Variants in GSE1 observed in about 807,000 individuals in gnomAD.
The protein encoded by GSE1 is Gse1 coiled-coil protein, also known as genetic suppressor element 1.
A neutral mutation model predicts 112.6 loss-of-function variants in GSE1; 32 were observed. That is an observed-to-expected ratio of 0.28 (90% confidence interval 0.21 to 0.38). The LOEUF (loss-of-function observed/expected upper bound fraction) is 0.38. Among genes scored for constraint, GSE1 ranks in the 10% least tolerant of loss-of-function variants. The pLI, the probability that GSE1 is intolerant of heterozygous loss-of-function variation, is 1.00. For missense variants in GSE1, 2,348 were observed against 1,699.2 expected, an observed-to-expected ratio of 1.38 and a Z score of -6.71; for synonymous variants, 1,115 against 735.6, an observed-to-expected ratio of 1.52 and a Z score of -8.35.
chr16:85,267,375 C>T (rs1908357955), intron 1 of GSE1, among the ~76,000 whole-genome samples: 1 of 152,184 alleles, frequency 6.6e-6, no homozygotes, highest in Non-Finnish European at 1.5e-5. Flanking sequence ...TCCTGAGTCT[C>T]CTCTTTTCTC....
At chr16:85,183,754 C>T (rs992451426) in intron 1 of GSE1, among the ~76,000 whole-genome samples, 1 of 152,166 alleles carries the variant, frequency 6.6e-6, no homozygotes, top group Non-Finnish European at 1.5e-5. Flanking sequence ...CCCCATTTTA[C>T]AGATGTACAG....
chr16:85,663,355 T>C lies in GSE1; in HGVS notation c.2385T>C (p.Phe795=), dbSNP rs779423993. The C allele has an allele frequency of 6.2e-7, 1 of 1,613,638 alleles. No homozygotes were observed. Among genetic ancestry groups the C allele is most frequent in the Non-Finnish European group, 8.5e-7 (1 of 1,179,932 alleles). Residue 795 remains phenylalanine (F), a synonymous_variant, in exon 11 of 16, where the codon TTT becomes TTC. Transcript: ENST00000253458. The part of the protein sequence containing the change: ...KLDTSSEKLE[F]LQLFGLTTQQ... Reference sequence around the variant, plus strand: ...CTTTCCCAATCTAGAAGCTAGAGTTTTTGCAACTTTTTGGCTTGACCACCC... The same window carrying C: ...CTTTCCCAATCTAGAAGCTAGAGTTCTTGCAACTTTTTGGCTTGACCACCC...
At chr16:85,493,181 G>T (rs2051064830) in intron 2 of GSE1, among the ~76,000 whole-genome samples, 1 of 152,220 alleles carries the variant, frequency 6.6e-6, no homozygotes, top group South Asian at 2.1e-4. Context: ...AATTCCCATT[G>T]CACCTGGCTT....
chr16:85,587,547 G>T (rs1040634017), intron 1 of GSE1, among the ~76,000 whole-genome samples: 4 of 151,994 alleles, frequency 2.6e-5, no homozygotes, highest in African/African-American at 9.7e-5. Context: ...CACACCTTCG[G>T]CCTAGGTACA....
chr16:85,418,157 T>C (rs1231083292), intron 2 of GSE1, among the ~76,000 whole-genome samples: 1 of 152,222 alleles, frequency 6.6e-6, no homozygotes, highest in Non-Finnish European at 1.5e-5. Context: ...TTTCTAACAA[T>C]GCCGCCATTG....
chr16:85,385,720 G>A (rs551729186), intron 2 of GSE1, among the ~76,000 whole-genome samples: 7 of 152,350 alleles, frequency 4.6e-5, no homozygotes, highest in Non-Finnish European at 7.4e-5. Context: ...CGAGGCAGCC[G>A]GCCATCCATC....
intron 2 of GSE1, among the ~76,000 whole-genome samples, chr16:85,415,550 T>C (rs1335275126): frequency 6.6e-6 from 1 of 152,204 alleles, no homozygotes; most frequent in African/African-American, 2.4e-5. Flanking sequence ...GGCCGCCTTC[T>C]CAGCCCCCGT....
chr16:85,546,170 CG>C (rs1942126811), intron 2 of GSE1, among the ~76,000 whole-genome samples: 1 of 152,124 alleles, frequency 6.6e-6, no homozygotes, highest in African/African-American at 2.4e-5. Flanking sequence ...CTGCACCTTC[CG>C]CCTCCCGGGT....
chr16:85,645,400 C>T (rs2050770887), intron 2 of GSE1, among the ~76,000 whole-genome samples: 1 of 152,106 alleles, frequency 6.6e-6, no homozygotes, highest in Non-Finnish European at 1.5e-5. Context: ...TGTGGAGCTG[C>T]CCTATCCAGT....
At chr16:85,229,779 A>C (rs2143825662) in intron 1 of GSE1, among the ~76,000 whole-genome samples, 1 of 152,312 alleles carries the variant, frequency 6.6e-6, no homozygotes, top group South Asian at 2.1e-4. Flanking sequence ...AATCAGAGTA[A>C]ATCCAAATGT....
chr16:85,547,336 C>G (rs1034388919), intron 2 of GSE1, among the ~76,000 whole-genome samples: 1 of 152,210 alleles, frequency 6.6e-6, no homozygotes, highest in African/African-American at 2.4e-5. Flanking sequence ...ATCCATGTGT[C>G]AGCGGGGCCA....
At chr16:85,557,133 G>T (rs1348395327) in intron 1 of GSE1, among the ~76,000 whole-genome samples, 1 of 152,150 alleles carries the variant, frequency 6.6e-6, no homozygotes, top group Non-Finnish European at 1.5e-5. Context: ...AGGCTACATG[G>T]AAGCTGGTGA....
chr16:85,234,933 G>A (rs1904437503), intron 1 of GSE1, among the ~76,000 whole-genome samples: 1 of 152,280 alleles, frequency 6.6e-6, no homozygotes, highest in East Asian at 1.9e-4. Context: ...CGGAGGGGCG[G>A]GGGTTGCCCT....
intron 8 of GSE1, among the ~76,000 whole-genome samples, chr16:85,660,379 G>C (rs1053086318): frequency 2.0e-5 from 3 of 152,168 alleles, no homozygotes; most frequent in Non-Finnish European, 4.4e-5. Context: ...GCTCACTCCT[G>C]TAATCCCAGC....
At chr16:85,205,622 G>A (rs2075101518) in intron 1 of GSE1, among the ~76,000 whole-genome samples, 2 of 151,896 alleles carry the variant, frequency 1.3e-5, no homozygotes, top group African/African-American at 4.8e-5. Context: ...TGGCTCCAGG[G>A]CTCTACACTG....
intron 8 of GSE1, among the ~76,000 whole-genome samples, chr16:85,660,649 G>A (rs1254914566): frequency 6.7e-6 from 1 of 148,496 alleles, no homozygotes; most frequent in Non-Finnish European, 1.5e-5. Context: ...TGTTTTTTTT[G>A]AGACGGAGTC....
chr16:85,284,328 C>T (rs1158813794), intron 1 of GSE1, among the ~76,000 whole-genome samples: 2 of 152,208 alleles, frequency 1.3e-5, no homozygotes, highest in Non-Finnish European at 2.9e-5. Flanking sequence ...GCAGAGCAGG[C>T]CGAGGGAAAG....
At chr16:85,413,114 G>C (rs1044939844) in intron 2 of GSE1, among the ~76,000 whole-genome samples, 1 of 152,328 alleles carries the variant, frequency 6.6e-6, no homozygotes, top group African/African-American at 2.4e-5. Flanking sequence ...TCCAGGCCGA[G>C]CGCCCTTTTC....
At chr16:85,402,754 T>C (rs914245306) in intron 2 of GSE1, among the ~76,000 whole-genome samples, 2 of 152,000 alleles carry the variant, frequency 1.3e-5, no homozygotes, top group African/African-American at 2.4e-5. Context: ...AAACCCTGTC[T>C]CTACAAAAAA....
Sources: gnomAD v4.1 joint callset for allele counts (sites outside exome capture counted in the v4.1 genomes callset) on GRCh38, gnomAD v4.1.1 for gene constraint, MANE v1.5 for transcripts, NCBI Gene and HGNC (gene_info 2026-07-23, HGNC 2026-07-21) for gene names.